Variants in HMGN3 observed in about 807,000 individuals in gnomAD.
The protein encoded by HMGN3 is high mobility group nucleosomal binding domain 3, also known as high mobility group nucleosome-binding domain-containing protein 3.
Under a neutral mutation model 18.8 loss-of-function variants are expected in HMGN3, and 6 were observed. That is an observed-to-expected ratio of 0.32 (90% CI 0.18 to 0.63). The LOEUF is 0.63. Among genes scored for constraint, HMGN3 ranks in the 30% least tolerant of loss-of-function variants. HMGN3 has a pLI of 0.79. For synonymous variants in HMGN3, 40 were observed against 36.5 expected (o/e 1.10, Z -0.35); for missense variants, 107 against 114.2 (o/e 0.94, Z 0.29).
chr6:79,228,883 C>T (rs1236624577), intron 1 of HMGN3, among the ~76,000 whole-genome samples: 1 of 152,098 alleles, frequency 6.6e-6, no homozygotes, highest in African/African-American at 2.4e-5. Flanking sequence ...TAGTGTAGCA[C>T]TGGTATAAGA....
intron 2 of HMGN3, among the ~76,000 whole-genome samples, chr6:79,211,610 G>A (rs915974255): frequency 6.6e-6 from 1 of 151,896 alleles, no homozygotes; most frequent in Non-Finnish European, 1.5e-5. Flanking sequence ...TAGCTCTCAG[G>A]GAGGGAAGGA....
At chr6:79,218,278 A>G (rs1413694643) in intron 1 of HMGN3, among the ~76,000 whole-genome samples, 1 of 152,186 alleles carries the variant, frequency 6.6e-6, no homozygotes, top group Non-Finnish European at 1.5e-5. Context: ...AAAATAATAA[A>G]CAATATAGGT....
At chr6:79,209,462 A>T (rs1293534650) in intron 2 of HMGN3, among the ~76,000 whole-genome samples, 1 of 152,204 alleles carries the variant, frequency 6.6e-6, no homozygotes, top group Non-Finnish European at 1.5e-5. Context: ...TAAATACTCC[A>T]TACTTTTTGT....
At chr6:79,225,255 TAAG>T (rs1777511231) in intron 1 of HMGN3, among the ~76,000 whole-genome samples, 1 of 152,070 alleles carries the variant, frequency 6.6e-6, no homozygotes, top group African/African-American at 2.4e-5. Context: ...GTAAAAGAAA[TAAG>T]AAAACCAATA....
intron 2 of HMGN3, among the ~76,000 whole-genome samples, chr6:79,210,804 G>A (rs370021065): frequency 8.6e-5 from 13 of 151,918 alleles, no homozygotes; most frequent in Admixed American, 8.5e-4. Flanking sequence ...CCCCAGCTGC[G>A]ACAATGTTGT....
At chr6:79,214,437 G>A (rs1354247834) in intron 2 of HMGN3, among the ~76,000 whole-genome samples, 4 of 152,004 alleles carry the variant, frequency 2.6e-5, no homozygotes, top group South Asian at 4.1e-4. Flanking sequence ...TCCTGACCTC[G>A]TGATCCGCCC....
intron 1 of HMGN3, among the ~76,000 whole-genome samples, chr6:79,225,896 G>C (rs1414511931): frequency 3.3e-5 from 5 of 152,078 alleles, no homozygotes; most frequent in Non-Finnish European, 7.4e-5. Flanking sequence ...TGACTTGTTG[G>C]GTAACTTTCT....
chr6:79,215,905 C>G (rs887729373), intron 1 of HMGN3, among the ~76,000 whole-genome samples: 1 of 152,146 alleles, frequency 6.6e-6, no homozygotes, highest in Non-Finnish European at 1.5e-5. Flanking sequence ...TACTCAGTCT[C>G]TATGGCACAA....
intron 1 of HMGN3, among the ~76,000 whole-genome samples, chr6:79,233,343 ACCC>A (rs1320096175): frequency 1.3e-5 from 2 of 152,206 alleles, no homozygotes; most frequent in African/African-American, 4.8e-5. Context: ...ACAAGTTTCT[ACCC>A]AATTTTTAGT....
intron 2 of HMGN3, 143 bp downstream of exon 2, chr6:79,214,829 T>C (rs751943200): frequency 6.6e-6 from 4 of 604,692 alleles, no homozygotes; most frequent in Non-Finnish European, 1.2e-5. Context: ...TATCGCTCTT[T>C]CAGGTAGTCT....
intron 1 of HMGN3, among the ~76,000 whole-genome samples, chr6:79,226,133 T>C (rs1356422129): frequency 1.3e-5 from 2 of 152,244 alleles, no homozygotes; most frequent in Non-Finnish European, 2.9e-5. Context: ...TTGGTTAGAA[T>C]GCTGGTTCTA....
At chr6:79,208,874 T>A (rs1238568867) in intron 2 of HMGN3, among the ~76,000 whole-genome samples, 1 of 152,192 alleles carries the variant, frequency 6.6e-6, no homozygotes, top group Admixed American at 6.5e-5. Context: ...TTATCCCAAA[T>A]TAAAACCTCT....
intron 1 of HMGN3, among the ~76,000 whole-genome samples, chr6:79,231,236 C>T (rs1352892886): frequency 4.6e-5 from 7 of 152,198 alleles, no homozygotes; most frequent in Non-Finnish European, 2.9e-5. Context: ...CTCTAGGCCT[C>T]GCTGGCTCAT....
chr6:79,233,096 A>G (rs1261776323), intron 1 of HMGN3, among the ~76,000 whole-genome samples: 1 of 152,172 alleles, frequency 6.6e-6, no homozygotes, highest in Non-Finnish European at 1.5e-5. Context: ...TGAGAATAAG[A>G]CTTTGGCATC....
intron 1 of HMGN3, among the ~76,000 whole-genome samples, chr6:79,218,719 A>C (rs188353128): frequency 6.6e-6 from 1 of 152,348 alleles, no homozygotes; most frequent in Admixed American, 6.5e-5. Context: ...GGTAAGAGTT[A>C]TATTTCTTAA....
intron 3 of HMGN3, 57 bp from the exon 4 acceptor site, chr6:79,203,687 C>A: frequency 7.8e-7 from 1 of 1,286,344 alleles, no homozygotes; most frequent in South Asian, 1.3e-5. Flanking sequence ...CTATCAGCAC[C>A]AAAAGAAACA....
chr6:79,220,865 C>A (rs1406636151), intron 1 of HMGN3, among the ~76,000 whole-genome samples: 1 of 152,076 alleles, frequency 6.6e-6, no homozygotes, highest in Non-Finnish European at 1.5e-5. Context: ...TGATGGTTAT[C>A]TTTAGGGGGG....
chr6:79,203,112 A>G (rs1307862266), intron 4 of HMGN3, among the ~76,000 whole-genome samples: 2 of 152,306 alleles, frequency 1.3e-5, no homozygotes, highest in African/African-American at 2.4e-5. Flanking sequence ...GAGTAAAGCA[A>G]TCAACCTTAT....
At chr6:79,211,538 G>C (rs1289177311) in intron 2 of HMGN3, among the ~76,000 whole-genome samples, 1 of 148,230 alleles carries the variant, frequency 6.7e-6, no homozygotes, top group Admixed American at 6.8e-5. Flanking sequence ...GCACTTCTCT[G>C]ACATTCGCTA....
Sources: gnomAD v4.1 joint callset for allele counts (sites outside exome capture counted in the v4.1 genomes callset) on GRCh38, gnomAD v4.1.1 for gene constraint, MANE v1.5 for transcripts, NCBI Gene and HGNC (gene_info 2026-07-23, HGNC 2026-07-21) for gene names.